Variants in KCNB2 observed in about 807,000 individuals in gnomAD.
KCNB2 encodes potassium voltage-gated channel subfamily B member 2.
Under a neutral mutation model 61.5 loss-of-function variants are expected in KCNB2, and 15 were observed. The ratio of observed to expected loss-of-function variants is 0.24; its 90% CI spans 0.16 to 0.38. The LOEUF (loss-of-function observed/expected upper bound fraction) is 0.38, where lower values mean the gene tolerates loss of function less well. Among genes scored for constraint, KCNB2 ranks in the 10% least tolerant of loss-of-function variants. The pLI is 1.00. For missense variants in KCNB2, 828 were observed against 1,125.2 expected, an observed-to-expected ratio of 0.74 and a Z score of 3.78; for synonymous variants, 457 against 446.0, an observed-to-expected ratio of 1.02 and a Z score of -0.31.
intron 2 of KCNB2, among the ~76,000 whole-genome samples, chr8:72,569,290 T>G (rs1806675132): frequency 6.6e-6 from 1 of 152,126 alleles, no homozygotes; most frequent in Admixed American, 6.5e-5. Context: ...TCACATGAAT[T>G]CTTTTGATTT....
chr8:72,567,428 C>CT (rs1385157484), intron 1 of KCNB2, among the ~76,000 whole-genome samples: 2 of 152,188 alleles, frequency 1.3e-5, no homozygotes, highest in African/African-American at 4.8e-5. Flanking sequence ...TACACAACCT[C>CT]TTCTGTGTAG....
intron 2 of KCNB2, among the ~76,000 whole-genome samples, chr8:72,844,800 G>T (rs1809958487): frequency 6.6e-6 from 1 of 152,138 alleles, no homozygotes; most frequent in Non-Finnish European, 1.5e-5. Context: ...GGTCATTTAT[G>T]TTCTTCTCTA....
chr8:72,764,160 G>A (rs1290740830), intron 2 of KCNB2, among the ~76,000 whole-genome samples: 1 of 152,164 alleles, frequency 6.6e-6, no homozygotes, highest in East Asian at 1.9e-4. Context: ...AAGAGGCGCA[G>A]TGCCCTGAGA....
At chr8:72,932,285 G>A (rs1013588911) in intron 2 of KCNB2, among the ~76,000 whole-genome samples, 3 of 152,158 alleles carry the variant, frequency 2.0e-5, no homozygotes, top group Admixed American at 1.3e-4. Context: ...ATATGTCTAC[G>A]TGTAAGTGTG....
At chr8:72,611,762 AT>A (rs1425930051) in intron 2 of KCNB2, among the ~76,000 whole-genome samples, 1 of 152,190 alleles carries the variant, frequency 6.6e-6, no homozygotes, top group African/African-American at 2.4e-5. Flanking sequence ...ATACATGAGA[AT>A]AAAAAAGATC....
rs1241824111 is a variant in KCNB2, at chr8:72,895,128, G to A, written c.580-40807G>A. ...TAATGACAGATGAGAGAGGCAGAAT[G>A]ATGTTCCCCTAAAGATGTCCATATC... On this transcript the variant is annotated intron_variant, in intron 2 of 2. Transcript: ENST00000523207. Among the ~76,000 whole-genome samples, 3 of 152,168 alleles carry A rather than the reference G, an allele frequency of 2.0e-5. No individual in the cohort carries two copies. In the South Asian group the frequency reaches 6.2e-4, roughly 32 times the overall value.
chr8:72,632,413 A>C (rs1176991351), intron 2 of KCNB2, among the ~76,000 whole-genome samples: 2 of 152,208 alleles, frequency 1.3e-5, no homozygotes, highest in African/African-American at 4.8e-5. Context: ...CACACTACAC[A>C]GGCAGAGTTG....
At chr8:72,920,250 G>GA (rs1806483446) in intron 2 of KCNB2, among the ~76,000 whole-genome samples, 1 of 151,200 alleles carries the variant, frequency 6.6e-6, no homozygotes, top group Admixed American at 6.6e-5. Context: ...CACATATTTA[G>GA]AAACCAATAT....
intron 1 of KCNB2, among the ~76,000 whole-genome samples, chr8:72,557,806 A>C: frequency 6.6e-6 from 1 of 152,312 alleles, no homozygotes; most frequent in Admixed American, 6.5e-5. Flanking sequence ...AGCACTGTCC[A>C]TTGTTGGGCA....
chr8:72,619,328 G>C (rs1290693740), intron 2 of KCNB2: 1 of 607,252 alleles, frequency 1.6e-6, no homozygotes, highest in Non-Finnish European at 3.2e-6. Context: ...CACTCTCCAT[G>C]AGAAGGTCTT....
chr8:72,893,008 C>T (rs1369680823), intron 2 of KCNB2, among the ~76,000 whole-genome samples: 1 of 151,214 alleles, frequency 6.6e-6, no homozygotes, highest in Non-Finnish European at 1.5e-5. Context: ...GACTACTGCA[C>T]AGTGAGAAAA....
At chr8:72,773,343 G>A (rs890987432) in intron 2 of KCNB2, among the ~76,000 whole-genome samples, 1 of 152,126 alleles carries the variant, frequency 6.6e-6, no homozygotes, top group African/African-American at 2.4e-5. Flanking sequence ...TTTTTTTAAG[G>A]TGGAAGAAAG....
In KCNB2 at chr8:72,761,570, A is replaced by G. The variant is rs147619660; in HGVS notation, c.580-174365A>G. ...AGATTGTGTTTATAATGAGAGGAAA[A>G]TGGATTAATCAAAACTCTAGCCTTC... On this transcript the variant is annotated intron_variant, in intron 2 of 2. Transcript: ENST00000523207. 9.3e-3 allele frequency among the ~76,000 whole-genome samples: 1,412 copies of G among 152,274 alleles called. 15 individuals carry two copies. The highest frequency in any genetic ancestry group is 0.082 in the Middle Eastern group (24 of 294).
At chr8:72,579,410 G>A (rs1806856079) in intron 2 of KCNB2, among the ~76,000 whole-genome samples, 1 of 152,114 alleles carries the variant, frequency 6.6e-6, no homozygotes, top group African/African-American at 2.4e-5. Flanking sequence ...GATTTCATTT[G>A]GACTTTAATC....
At chr8:72,701,248 A>G (rs1384701846) in intron 2 of KCNB2, among the ~76,000 whole-genome samples, 1 of 152,212 alleles carries the variant, frequency 6.6e-6, no homozygotes, top group Non-Finnish European at 1.5e-5. Context: ...ATTTTTTAAA[A>G]AAAAGAGAGA....
intron 2 of KCNB2, among the ~76,000 whole-genome samples, chr8:72,891,442 A>G (rs890947532): frequency 2.0e-5 from 3 of 152,204 alleles, no homozygotes; most frequent in African/African-American, 4.8e-5. Flanking sequence ...GCAAAAGGAC[A>G]TGCTTATACA....
chr8:72,604,478 G>T (rs1805415469), intron 2 of KCNB2, among the ~76,000 whole-genome samples: 1 of 152,104 alleles, frequency 6.6e-6, no homozygotes, highest in Admixed American at 6.6e-5. Context: ...TTAAATTTGA[G>T]CCTCAGTTGC....
intron 2 of KCNB2, among the ~76,000 whole-genome samples, chr8:72,748,348 AG>A: frequency 6.6e-6 from 1 of 152,296 alleles, no homozygotes; most frequent in East Asian, 1.9e-4. Context: ...CTATCAGATA[AG>A]CTTCAACAGA....
intron 2 of KCNB2, among the ~76,000 whole-genome samples, chr8:72,738,528 G>A (rs956104842): frequency 9.2e-5 from 14 of 152,154 alleles, no homozygotes; most frequent in Admixed American, 2.0e-4. Flanking sequence ...TCCAGTGTTT[G>A]CGTCTATCCT....
Sources: allele counts gnomAD v4.1 joint callset (sites outside exome capture counted in the v4.1 genomes callset), GRCh38; gene constraint gnomAD v4.1.1; transcripts MANE v1.5; gene names NCBI Gene and HGNC (gene_info 2026-07-23, HGNC 2026-07-21).